ARB2A: variants seen among roughly 807,000 people sequenced by gnomAD.
The protein encoded by ARB2A is ARB2 cotranscriptional regulator A.
chr5:93,881,708 G>A, the ARB2A span: 1 of 1,435,310 alleles, frequency 7.0e-7, no homozygotes, highest in East Asian at 2.4e-5. Flanking sequence ...AATGAAAGAA[G>A]GTAGCATAAT....
chr5:93,895,352 G>A, the ARB2A span, among the ~76,000 whole-genome samples: 1 of 152,162 alleles, frequency 6.6e-6, no homozygotes, highest in South Asian at 2.1e-4. Flanking sequence ...AAAGCAGTAA[G>A]CATTTGAAAA....
At chr5:93,662,090 T>C in the ARB2A span, among the ~76,000 whole-genome samples, 1 of 152,174 alleles carries the variant, frequency 6.6e-6, no homozygotes, top group Non-Finnish European at 1.5e-5. Flanking sequence ...AGATAATGAG[T>C]ACTCTCACAA....
At chr5:93,644,426 TACAC>T in the ARB2A span, among the ~76,000 whole-genome samples, 1 of 151,910 alleles carries the variant, frequency 6.6e-6, no homozygotes, top group African/African-American at 2.4e-5. Context: ...ATTAATATTT[TACAC>T]ACACACACAC....
chr5:93,897,842 A>G, the ARB2A span, among the ~76,000 whole-genome samples: 1 of 151,880 alleles, frequency 6.6e-6, no homozygotes, highest in Non-Finnish European at 1.5e-5. Context: ...AAAAAAGGAC[A>G]ATACAAAATG....
chr5:93,856,421 A>G, the ARB2A span, among the ~76,000 whole-genome samples: 19 of 152,194 alleles, frequency 1.2e-4, no homozygotes, highest in Non-Finnish European at 2.5e-4. Flanking sequence ...AGGTACACCA[A>G]TCAGACGTAG....
At chr5:94,030,135 T>C in the ARB2A span, among the ~76,000 whole-genome samples, 1 of 152,324 alleles carries the variant, frequency 6.6e-6, no homozygotes, top group East Asian at 1.9e-4. Context: ...TAACGGGAGC[T>C]ACACAACTCG....
At chr5:93,933,846 A>T in the ARB2A span, among the ~76,000 whole-genome samples, 2 of 152,118 alleles carry the variant, frequency 1.3e-5, no homozygotes, top group South Asian at 4.1e-4. Context: ...ACAAACAAAA[A>T]AATATAAAAA....
At chr5:94,111,535 GC>G in the ARB2A span, 1 of 152,326 alleles carries the variant, frequency 6.6e-6, no homozygotes, top group Admixed American at 6.5e-5. Flanking sequence ...CAGCCACAGG[GC>G]TGAGGGGGCA....
the ARB2A span, among the ~76,000 whole-genome samples, chr5:93,631,822 GGA>G: frequency 1.3e-5 from 2 of 151,312 alleles, no homozygotes; most frequent in African/African-American, 4.9e-5. Context: ...AGGGGAGGGG[GGA>G]GAGAGAAGCT....
the ARB2A span, among the ~76,000 whole-genome samples, chr5:94,044,076 C>G: frequency 6.6e-6 from 1 of 152,160 alleles, no homozygotes; most frequent in Non-Finnish European, 1.5e-5. Flanking sequence ...TGTGAATGAA[C>G]CAGTGGTCTC....
At chr5:93,684,334 T>C in the ARB2A span, among the ~76,000 whole-genome samples, 1 of 152,210 alleles carries the variant, frequency 6.6e-6, no homozygotes, top group South Asian at 2.1e-4. Flanking sequence ...TGGAATGATA[T>C]TAGAATCTGA....
At chr5:93,904,426 T>C in the ARB2A span, among the ~76,000 whole-genome samples, 1 of 151,930 alleles carries the variant, frequency 6.6e-6, no homozygotes, top group Non-Finnish European at 1.5e-5. Context: ...TGTAACATCT[T>C]AGAGTTGTTT....
At chr5:93,859,732 G>A in the ARB2A span, among the ~76,000 whole-genome samples, 2 of 152,070 alleles carry the variant, frequency 1.3e-5, no homozygotes, top group African/African-American at 4.8e-5. Context: ...CTAGTAATAA[G>A]GAAAATGCTA....
At chr5:94,031,344 A>C in the ARB2A span, among the ~76,000 whole-genome samples, 1 of 152,214 alleles carries the variant, frequency 6.6e-6, no homozygotes, top group Non-Finnish European at 1.5e-5. Context: ...GGAAACAAAG[A>C]ATATCTTACT....
At chr5:93,818,856 G>A in the ARB2A span, among the ~76,000 whole-genome samples, 4 of 152,180 alleles carry the variant, frequency 2.6e-5, no homozygotes, top group Non-Finnish European at 5.9e-5. Context: ...TAAATGCAGA[G>A]TAGGGAGAAT....
the ARB2A span, among the ~76,000 whole-genome samples, chr5:93,896,999 CT>C: frequency 6.6e-6 from 1 of 151,978 alleles, no homozygotes; most frequent in Non-Finnish European, 1.5e-5. Flanking sequence ...CGCTTGCATA[CT>C]TTAAAGCTTT....
At chr5:93,840,834 T>C in the ARB2A span, among the ~76,000 whole-genome samples, 1 of 152,176 alleles carries the variant, frequency 6.6e-6, no homozygotes, top group Non-Finnish European at 1.5e-5. Context: ...GTGGTTCTAG[T>C]GTTTGAACTT....
the ARB2A span, among the ~76,000 whole-genome samples, chr5:93,718,205 G>A: frequency 6.6e-6 from 1 of 152,012 alleles, no homozygotes; most frequent in Admixed American, 6.5e-5. Flanking sequence ...ACTTTGGGAG[G>A]CCGAGGTGGG....
At chr5:93,644,556 T>C in the ARB2A span, among the ~76,000 whole-genome samples, 1 of 152,148 alleles carries the variant, frequency 6.6e-6, no homozygotes, top group Admixed American at 6.5e-5. Flanking sequence ...CAGACTCAAA[T>C]AGAAAACATT....
Sources: allele counts gnomAD v4.1 joint callset (sites outside exome capture counted in the v4.1 genomes callset), GRCh38; gene constraint gnomAD v4.1.1; transcripts MANE v1.5; gene names NCBI Gene and HGNC (gene_info 2026-07-23, HGNC 2026-07-21).